Variants in CSNK1E observed in about 807,000 individuals in gnomAD.
The protein encoded by CSNK1E is casein kinase I isoform epsilon.
In CSNK1E, 17 loss-of-function variants were observed where a neutral mutation model predicts 46.1. The observed-to-expected ratio is 0.37, with a 90% CI of 0.25 to 0.55. CSNK1E has a LOEUF of 0.55. Among genes scored for constraint, CSNK1E ranks in the 20% least tolerant of loss-of-function variants. The probability of loss-of-function intolerance (pLI) is 0.82; values close to 1 mark genes in which losing one functional copy is unlikely to be tolerated. For missense variants in CSNK1E, 386 were observed against 595.4 expected, an observed-to-expected ratio of 0.65 and a Z score of 3.66; for synonymous variants, 241 against 242.6, an observed-to-expected ratio of 0.99 and a Z score of 0.06.
chr22:38,312,568 C>T (rs1428419844), intron 2 of CSNK1E, among the ~76,000 whole-genome samples: 2 of 152,170 alleles, frequency 1.3e-5, no homozygotes, highest in African/African-American at 4.8e-5. Context: ...CAGAGAAAAA[C>T]CTTTAAACCA....
intron 2 of CSNK1E, among the ~76,000 whole-genome samples, chr22:38,311,506 G>A (rs987025011): frequency 6.6e-6 from 1 of 152,184 alleles, no homozygotes; most frequent in South Asian, 2.1e-4. Context: ...CAAAAAGAGC[G>A]ACGGGACCTG....
At position 38,296,367 on chromosome 22, in the gene CSNK1E, G is replaced by A. The variant is rs1261076328; in HGVS notation, c.886-1833C>T. 7.2e-6 allele frequency: 10 copies of A among 1,391,264 alleles called. No individual in the cohort carries two copies. The East Asian group carries it at 2.4e-4, about 34-fold the overall frequency. The allele number at this position is 1,391,264 out of a possible 1,614,324, so 86.2% of individuals were successfully genotyped here. Reference sequence around the variant, plus strand: ...CACAGTGGCTGTATGTGCTGAGAGTGGCTTCCAGGCCCCAGGGATCCACAG... The same window carrying A: ...CACAGTGGCTGTATGTGCTGAGAGTAGCTTCCAGGCCCCAGGGATCCACAG... On this transcript the variant is annotated intron_variant, in intron 7 of 10. Transcript: ENST00000396832.
rs2092712141 is a variant in CSNK1E at position 38,309,545 on chromosome 22, C to G, written c.76+4537G>C. Among the ~76,000 whole-genome samples, 2 of 151,986 alleles carry G rather than the reference C, an allele frequency of 1.3e-5. No homozygotes were observed. Among genetic ancestry groups the G allele is most frequent in the Admixed American group, 1.3e-4 (2 of 15,248 alleles). Reference sequence around the variant, plus strand: ...TCTCGGCTCACTGCAACTTCTGCCTCCCGGGTTCAAGCGATTCTCATGCCT... The same window carrying G: ...TCTCGGCTCACTGCAACTTCTGCCTGCCGGGTTCAAGCGATTCTCATGCCT... On this transcript the variant is annotated intron_variant, in intron 2 of 10. Coordinates refer to ENST00000396832, the MANE Select transcript of CSNK1E (RefSeq NM_152221.3). This position sits in a 1 kb window ranked among gnomAD's most constrained non-coding sequence, Gnocchi z 4.8.
chr22:38,302,825 G>A (rs368617711), intron 4 of CSNK1E, 36 bp downstream of exon 4: 2 of 1,611,194 alleles, frequency 1.2e-6, no homozygotes, highest in African/African-American at 2.7e-5. Context: ...TGGGCCCACA[G>A]GCATCTGGCT....
At chr22:38,302,692 CAG>C (rs530063126) in intron 4 of CSNK1E, among the ~76,000 whole-genome samples, 167 bp downstream of exon 4, 65 of 152,306 alleles carry the variant, frequency 4.3e-4, no homozygotes, top group African/African-American at 1.5e-3. Context: ...GCCTGGGCGA[CAG>C]AGTGAGACTC....
intron 7 of CSNK1E, among the ~76,000 whole-genome samples, chr22:38,295,867 G>A (rs973382019): frequency 7.2e-5 from 11 of 152,198 alleles, no homozygotes; most frequent in African/African-American, 2.7e-4. Flanking sequence ...CCTCACCCTG[G>A]GCTCCCACTC....
intron 2 of CSNK1E, among the ~76,000 whole-genome samples, chr22:38,312,552 G>A (rs1162893983): frequency 6.6e-6 from 1 of 152,118 alleles, no homozygotes; most frequent in African/African-American, 2.4e-5. Context: ...GAGTAGCTTG[G>A]GGTCGCAGAG....
At chr22:38,314,975 A>G (rs984057006) in intron 1 of CSNK1E, among the ~76,000 whole-genome samples, 4 of 152,174 alleles carry the variant, frequency 2.6e-5, no homozygotes, top group African/African-American at 9.7e-5. Context: ...GAAGGCCTGG[A>G]GGCAGTGCTG....
At position 38,298,876 on chromosome 22, in the gene CSNK1E, G is replaced by A. The variant is rs1359413750; in HGVS notation, c.795C>T (p.Asp265=). Residue 265 remains aspartate, a synonymous_variant, in exon 7 of 11, where the codon GAC becomes GAT. Transcript: ENST00000396832. The surrounding 1 kb of genome is among the most constrained non-coding windows in gnomAD (Gnocchi z 4.2). ...CRSLRFDDKP[D]YSYLRQLFRN... ...GGAAGAGCTGACGTAGGTAAGAGTA[G>A]TCGGGCTTGTCGTCAAACCGCAGGG... 1.2e-6 allele frequency: 2 copies of A among 1,614,204 alleles called. No individual in the cohort carries two copies. Among genetic ancestry groups the A allele is most frequent in the South Asian group, 1.1e-5 (1 of 91,080 alleles).
intron 7 of CSNK1E, chr22:38,296,570 G>T: frequency 6.2e-7 from 1 of 1,612,598 alleles, no homozygotes; most frequent in Non-Finnish European, 8.5e-7. Context: ...GTCAGAGATT[G>T]GCAAAGGATA....
chr22:38,296,412 G>T, intron 7 of CSNK1E: 1 of 1,425,234 alleles, frequency 7.0e-7, no homozygotes, highest in Non-Finnish European at 9.2e-7. Flanking sequence ...CCCCGGTGCA[G>T]CCAACAACAC....
chr22:38,307,545 G>A lies in CSNK1E; in HGVS notation c.77-4297C>T, dbSNP rs139080225. 2.2e-3 allele frequency among the ~76,000 whole-genome samples: 341 copies of A among 152,242 alleles called. 2 individuals are homozygous for A. Among genetic ancestry groups the A allele is most frequent in the African/African-American group, 7.4e-3 (308 of 41,538 alleles). ...CAGCCTGGCGACACAGCGAGACTCC[G>A]TCTCAAAACAAAAAAAAGTATACAG... On this transcript the variant is annotated intron_variant, in intron 2 of 10. Transcript: ENST00000396832.
chr22:38,296,174 C>G (rs1016808940), intron 7 of CSNK1E: 1 of 1,009,234 alleles, frequency 9.9e-7, no homozygotes, highest in Non-Finnish European at 1.2e-6. Context: ...TGGTCCCATC[C>G]AACCCATAGG....
At chr22:38,293,348 GA>G in intron 9 of CSNK1E, 29 bp from the exon 10 acceptor site, 2 of 1,338,482 alleles carry the variant, frequency 1.5e-6, no homozygotes, top group Non-Finnish European at 2.1e-6. Flanking sequence ...GAGAGAGGGG[GA>G]GGGAGAGAGA....
At chr22:38,299,265 G>A (rs534285199) in intron 6 of CSNK1E, among the ~76,000 whole-genome samples, 16 of 152,302 alleles carry the variant, frequency 1.1e-4, no homozygotes, top group African/African-American at 3.8e-4. Flanking sequence ...CAGATCAATC[G>A]TTGCCATAAA....
intron 2 of CSNK1E, among the ~76,000 whole-genome samples, chr22:38,312,422 T>C (rs1217220069): frequency 6.6e-6 from 1 of 152,238 alleles, no homozygotes; most frequent in Non-Finnish European, 1.5e-5. Flanking sequence ...GCTGTGAGGC[T>C]ACTGTGCATG....
At chr22:38,302,838 G>A in intron 4 of CSNK1E, 23 bp downstream of exon 4, 1 of 1,613,256 alleles carries the variant, frequency 6.2e-7, no homozygotes, top group East Asian at 2.2e-5. Flanking sequence ...ATCTGGCTGG[G>A]GATGGAGGGG....
intron 2 of CSNK1E, among the ~76,000 whole-genome samples, chr22:38,306,071 C>T (rs2092697423): frequency 6.6e-6 from 1 of 152,156 alleles, no homozygotes; most frequent in Non-Finnish European, 1.5e-5. Flanking sequence ...GGAAAAAGAA[C>T]CAGGAAGCTC....
At chr22:38,310,744 AG>A (rs2092717222) in intron 2 of CSNK1E, among the ~76,000 whole-genome samples, 1 of 152,188 alleles carries the variant, frequency 6.6e-6, no homozygotes, top group Admixed American at 6.5e-5. Flanking sequence ...TATGATGCAG[AG>A]GGAGAAGGGG....
Sources: allele counts gnomAD v4.1 joint callset (sites outside exome capture counted in the v4.1 genomes callset), GRCh38; gene constraint gnomAD v4.1.1; non-coding constraint Gnocchi (gnomAD v3.1); transcripts MANE v1.5; gene names NCBI Gene and HGNC (gene_info 2026-07-23, HGNC 2026-07-21).